The following CWC22 variants were observed in gnomAD, a reference collection of about 807,000 sequenced individuals.
CWC22 encodes pre-mRNA-splicing factor CWC22 homolog.
In CWC22, 53 loss-of-function variants were observed where a neutral mutation model predicts 117.2. The observed-to-expected ratio is 0.45, with a 90% CI of 0.36 to 0.57. The LOEUF is 0.57. Ranked by LOEUF, CWC22 falls within the 20% of genes least tolerant of loss-of-function variation. The pLI, the probability that CWC22 is intolerant of heterozygous loss-of-function variation, is 0.00. For synonymous variants in CWC22, 360 were observed against 355.6 expected (o/e 1.01, Z -0.14); for missense variants, 980 against 1,068.8 (o/e 0.92, Z 1.16).
chr2:179,987,303 C>A (rs1283854158), intron 3 of CWC22, among the ~76,000 whole-genome samples: 1 of 152,036 alleles, frequency 6.6e-6, no homozygotes, highest in African/African-American at 2.4e-5. Flanking sequence ...AAATTATTAG[C>A]AAACAAGGAT....
chr2:180,005,002 A>G (rs1211705968), intron 1 of CWC22, among the ~76,000 whole-genome samples: 1 of 151,112 alleles, frequency 6.6e-6, no homozygotes, highest in African/African-American at 2.4e-5. Context: ...AATTGGCATG[A>G]GAACTACTCG....
intron 5 of CWC22, among the ~76,000 whole-genome samples, chr2:179,979,004 G>C (rs779894860): frequency 2.0e-5 from 3 of 152,120 alleles, no homozygotes; most frequent in Non-Finnish European, 2.9e-5. Flanking sequence ...AGTTTCTTTA[G>C]GTTGAATTGG....
chr2:179,988,385 G>C (rs1687473535), intron 3 of CWC22, among the ~76,000 whole-genome samples, 192 bp downstream of exon 3: 1 of 151,864 alleles, frequency 6.6e-6, no homozygotes. Context: ...ATAATATCTG[G>C]AATTATTTAC....
chr2:179,992,802 T>C (rs1687601237), intron 2 of CWC22, among the ~76,000 whole-genome samples: 2 of 152,214 alleles, frequency 1.3e-5, no homozygotes, highest in Non-Finnish European at 2.9e-5. Context: ...TCAATATGCA[T>C]TTGTTAAATA....
At chr2:179,988,729 A>G in intron 2 of CWC22, 85 bp from the exon 3 acceptor site, 1 of 665,588 alleles carries the variant, frequency 1.5e-6, no homozygotes, top group Non-Finnish European at 2.5e-6. Flanking sequence ...GAAAGTTGGA[A>G]GTACTTTAGA....
At chr2:179,997,276 C>G (rs1687729931) in intron 1 of CWC22, among the ~76,000 whole-genome samples, 1 of 149,950 alleles carries the variant, frequency 6.7e-6, no homozygotes. Context: ...CTAAGTAGCA[C>G]ATGAAAAGTT....
In CWC22 at chr2:179,945,260, T is replaced by C; in HGVS notation, c.2596A>G (p.Ser866Gly). 1 of 1,613,776 alleles carries C rather than the reference T, an allele frequency of 6.2e-7. No homozygotes were observed. The change falls in exon 20 of 20, where the codon AGT becomes GGT. Residue 866 changes from serine to glycine, a missense_variant. Transcript: ENST00000410053. ...CCATTTTGATATCTATCTTCATCAC[T>C]TCTTGAGCCTGAGTGCTTTCTATTC... ...EMNRKHSGSRSDEDRYQNGAE... is the reference protein window; with the variant it reads ...EMNRKHSGSRGDEDRYQNGAE...
At chr2:179,960,721 C>T (rs1417540790) in intron 13 of CWC22, among the ~76,000 whole-genome samples, 3 of 151,892 alleles carry the variant, frequency 2.0e-5, no homozygotes, top group Non-Finnish European at 1.5e-5. Flanking sequence ...AACTTGAACA[C>T]AGGAATATTT....
At chr2:179,976,942 C>T (rs977170959) in intron 6 of CWC22, among the ~76,000 whole-genome samples, 2 of 152,148 alleles carry the variant, frequency 1.3e-5, no homozygotes, top group African/African-American at 4.8e-5. Flanking sequence ...ACTGCTTGAG[C>T]TCAAGAGTAC....
At chr2:179,961,309 T>A (rs1402916827) in intron 13 of CWC22, among the ~76,000 whole-genome samples, 1 of 151,986 alleles carries the variant, frequency 6.6e-6, no homozygotes, top group Non-Finnish European at 1.5e-5. Context: ...TAATACAGCA[T>A]AAAATCATCA....
intron 4 of CWC22, among the ~76,000 whole-genome samples, chr2:179,982,238 G>C (rs925461862): frequency 5.3e-5 from 8 of 152,158 alleles, no homozygotes; most frequent in African/African-American, 1.9e-4. Context: ...ATGACATTTT[G>C]CAACTAGTAG....
rs748093590 is a variant in CWC22 at position 179,971,070 on chromosome 2, C to T, written c.811G>A (p.Glu271Lys). ...AHLINQNVAH[E>K]VLCLEMLTLL... ...GTGAGCATCTCTAAGCATAATACTTCGTGTGCCTTAAATAAAATACATATA... is the reference window on the plus strand; with the variant it reads ...GTGAGCATCTCTAAGCATAATACTTTGTGTGCCTTAAATAAAATACATATA... The change falls in exon 9 of 20, where the codon GAA (glutamate) becomes AAA (lysine). Residue 271 changes from glutamate to lysine, a missense_variant. This residue lies in a region of CWC22 where 559 missense variants were observed against 602.3 expected (regional missense o/e 0.93). Transcript: ENST00000410053. 2 of 1,561,038 alleles carry T rather than the reference C, an allele frequency of 1.3e-6. No individual in the cohort carries two copies. Among genetic ancestry groups the T allele is most frequent in the Non-Finnish European group, 1.7e-6 (2 of 1,152,710 alleles).
At chr2:179,959,876 T>C (rs1446941047) in intron 13 of CWC22, among the ~76,000 whole-genome samples, 1 of 152,050 alleles carries the variant, frequency 6.6e-6, no homozygotes, top group Non-Finnish European at 1.5e-5. Context: ...AGGGTGAGTA[T>C]CATAGCATGT....
chr2:179,985,710 T>G (rs1311477155), intron 4 of CWC22, among the ~76,000 whole-genome samples: 2 of 152,090 alleles, frequency 1.3e-5, no homozygotes, highest in Non-Finnish European at 2.9e-5. Flanking sequence ...TATTAGAGTA[T>G]ATTCTTATAA....
intron 8 of CWC22, among the ~76,000 whole-genome samples, chr2:179,972,988 G>A (rs1427509282): frequency 2.0e-5 from 3 of 151,160 alleles, no homozygotes; most frequent in East Asian, 1.9e-4. Context: ...CAGCCTGGGC[G>A]ACAGAGTGAG....
At chr2:179,983,439 A>C (rs1687334839) in intron 4 of CWC22, among the ~76,000 whole-genome samples, 1 of 152,088 alleles carries the variant, frequency 6.6e-6, no homozygotes. Context: ...CAAAGAACAT[A>C]ATCTCATTCT....
intron 1 of CWC22, among the ~76,000 whole-genome samples, 166 bp downstream of exon 1, chr2:180,006,701 G>A (rs564313146): frequency 6.6e-6 from 1 of 152,202 alleles, no homozygotes; most frequent in African/African-American, 2.4e-5. Flanking sequence ...AAGGGGCTTT[G>A]GCAAGCCCCA....
At chr2:179,982,286 T>A (rs949440308) in intron 4 of CWC22, among the ~76,000 whole-genome samples, 3 of 152,272 alleles carry the variant, frequency 2.0e-5, no homozygotes, top group African/African-American at 4.8e-5. Flanking sequence ...GCAGGGGTGT[T>A]AAGGTCAGAA....
At position 179,988,589 on chromosome 2, in the gene CWC22, G is replaced by C. The variant is rs866449669; in HGVS notation, c.83C>G (p.Ser28Cys). The change falls in exon 3 of 20, where the codon TCT becomes TGT. Residue 28 changes from serine to cysteine, a missense_variant. Physicochemically the swap from Ser to Cys is moderately radical, Grantham distance 112. This residue lies in a region of CWC22 where 559 missense variants were observed against 602.3 expected (regional missense o/e 0.93). Coordinates refer to ENST00000410053, the MANE Select transcript of CWC22 (RefSeq NM_020943.3). ...ENLNSYQRNSSPEDRYEEQER... is the reference protein window; with the variant it reads ...ENLNSYQRNSCPEDRYEEQER... The stretch of plus-strand genomic sequence containing the variant: ...TTAAACTATTTACCTGTCTTCTGGA[G>C]AGGAGTTCCTCTGATATGAATTAAG... 6.6e-7 allele frequency: 1 copy of C among 1,512,612 alleles called. No individual in the cohort carries two copies. Among genetic ancestry groups the C allele is most frequent in the Non-Finnish European group, 9.0e-7 (1 of 1,114,100 alleles). 93.7% of individuals were successfully genotyped at this position (1,512,612 alleles called of 1,614,324 possible). A position where few individuals can be genotyped will look rare whatever the true frequency, so the allele number is the denominator to read the frequency against.
Sources: allele counts gnomAD v4.1 joint callset (sites outside exome capture counted in the v4.1 genomes callset), GRCh38; gene constraint gnomAD v4.1.1; regional missense constraint gnomAD v4.1.1; transcripts MANE v1.5; gene names NCBI Gene and HGNC (gene_info 2026-07-23, HGNC 2026-07-21).